Variants in ZCCHC7 observed in about 807,000 individuals in gnomAD.
ZCCHC7 encodes the protein zinc finger CCHC-type containing 7, also known as zinc finger CCHC domain-containing protein 7.
Under a neutral mutation model 52.0 loss-of-function variants are expected in ZCCHC7, and 35 were observed. The ratio of observed to expected loss-of-function variants is 0.67; its 90% confidence interval spans 0.51 to 0.89. The LOEUF (loss-of-function observed/expected upper bound fraction) is 0.89, where lower values mean the gene tolerates loss of function less well. ZCCHC7 is among the 40% of genes least tolerant of loss of function. The pLI is 0.00. For synonymous variants in ZCCHC7, 217 were observed against 221.5 expected (o/e 0.98, Z 0.18); for missense variants, 574 against 649.1 (o/e 0.88, Z 1.26).
intron 2 of ZCCHC7, among the ~76,000 whole-genome samples, chr9:37,151,116 C>G (rs1255981999): frequency 2.0e-5 from 3 of 151,970 alleles, no homozygotes; most frequent in Non-Finnish European, 4.4e-5. Flanking sequence ...AGGCGCCTGC[C>G]ACCACGCCCG....
intron 2 of ZCCHC7, among the ~76,000 whole-genome samples, chr9:37,251,216 C>A (rs1159528981): frequency 6.6e-6 from 1 of 151,780 alleles, no homozygotes; most frequent in East Asian, 1.9e-4. Context: ...TCATTTTTTT[C>A]AGCAATCTTT....
At chr9:37,138,696 TG>T (rs1843096982) in intron 2 of ZCCHC7, among the ~76,000 whole-genome samples, 1 of 151,490 alleles carries the variant, frequency 6.6e-6, no homozygotes, top group African/African-American at 2.4e-5. Context: ...TCTACAGGTT[TG>T]TATTTTTTTT....
chr9:37,190,484 T>C (rs1161902809), intron 2 of ZCCHC7, among the ~76,000 whole-genome samples: 3 of 152,324 alleles, frequency 2.0e-5, no homozygotes, highest in Admixed American at 2.0e-4. Flanking sequence ...ATCTGTTTGA[T>C]ATTAATATGA....
chr9:37,144,962 T>TA (rs1843375456), intron 2 of ZCCHC7: 1 of 152,084 alleles, frequency 6.6e-6, no homozygotes, highest in Admixed American at 6.6e-5. Context: ...GTCATGCTGT[T>TA]ATTTTAGCCC....
At chr9:37,230,842 G>A (rs1455569363) in intron 2 of ZCCHC7, among the ~76,000 whole-genome samples, 2 of 152,018 alleles carry the variant, frequency 1.3e-5, no homozygotes, top group Non-Finnish European at 2.9e-5. Flanking sequence ...ATGGTTCTAT[G>A]TGGTGGAATA....
chr9:37,170,346 C>T (rs928582850), intron 2 of ZCCHC7, among the ~76,000 whole-genome samples: 7 of 152,170 alleles, frequency 4.6e-5, no homozygotes, highest in African/African-American at 1.4e-4. Context: ...GATTGCTACA[C>T]TCAAGAGTTT....
At chr9:37,337,403 C>G (rs1588690868) in intron 6 of ZCCHC7, among the ~76,000 whole-genome samples, 2 of 13,678 alleles carry the variant, frequency 1.5e-4, no homozygotes, top group Non-Finnish European at 2.0e-4. Flanking sequence ...ACCCACCCAC[C>G]CCCCCCCCCC....
In ZCCHC7 at chr9:37,269,633, A is replaced by C. The variant is rs1006161753; in HGVS notation, c.611-32555A>C. Reference sequence around the variant, plus strand: ...GACTCTGTCTCAAAAAAAAAAAAAAAAAAAAAAAAAAAACAAAAGAAGTTC... The same window carrying C: ...GACTCTGTCTCAAAAAAAAAAAAAACAAAAAAAAAAAAACAAAAGAAGTTC... On this transcript the variant is annotated intron_variant, in intron 2 of 8. Transcript: ENST00000336755. Among the ~76,000 whole-genome samples, 319 of 149,172 alleles carry C rather than the reference A, an allele frequency of 2.1e-3. 2 individuals are homozygous for C. Among genetic ancestry groups the C allele is most frequent in the African/African-American group, 7.6e-3 (306 of 40,406 alleles).
intron 2 of ZCCHC7, among the ~76,000 whole-genome samples, chr9:37,155,476 T>A (rs2132862565): frequency 6.6e-6 from 1 of 152,372 alleles, no homozygotes; most frequent in Admixed American, 6.5e-5. Context: ...TTGACAATAA[T>A]TTTTTAATTA....
intron 2 of ZCCHC7, among the ~76,000 whole-genome samples, chr9:37,194,838 A>C (rs533618657): frequency 6.6e-6 from 1 of 152,292 alleles, no homozygotes; most frequent in African/African-American, 2.4e-5. Flanking sequence ...TATATATACA[A>C]ATTCTCTATC....
intron 2 of ZCCHC7, among the ~76,000 whole-genome samples, chr9:37,300,579 AG>A (rs1564237806): frequency 6.6e-6 from 1 of 152,224 alleles, no homozygotes; most frequent in East Asian, 1.9e-4. Flanking sequence ...TTCTTAGAAA[AG>A]TTTTTTATTT....
At chr9:37,136,751 A>G (rs528836252) in intron 2 of ZCCHC7, among the ~76,000 whole-genome samples, 7 of 152,176 alleles carry the variant, frequency 4.6e-5, no homozygotes, top group Admixed American at 3.3e-4. Context: ...GCTGGGATTT[A>G]CAGGTGTGAG....
chr9:37,200,174 CTCTT>C (rs534650626), intron 2 of ZCCHC7, among the ~76,000 whole-genome samples: 142 of 152,198 alleles, frequency 9.3e-4, no homozygotes, highest in African/African-American at 3.3e-3. Flanking sequence ...AATTTCCTCT[CTCTT>C]TGTTATCTTT....
intron 2 of ZCCHC7, among the ~76,000 whole-genome samples, chr9:37,234,094 C>T (rs1461479331): frequency 6.6e-6 from 1 of 151,994 alleles, no homozygotes; most frequent in Non-Finnish European, 1.5e-5. Flanking sequence ...GGCTTGAACT[C>T]CTGACCTCAG....
chr9:37,193,547 G>T (rs1156453412), intron 2 of ZCCHC7, among the ~76,000 whole-genome samples: 1 of 151,638 alleles, frequency 6.6e-6, no homozygotes, highest in Non-Finnish European at 1.5e-5. Flanking sequence ...CTTTTCCAAG[G>T]GATGTAAGTT....
chr9:37,129,569 GAGA>G (rs1444379447), intron 2 of ZCCHC7, among the ~76,000 whole-genome samples: 2 of 152,158 alleles, frequency 1.3e-5, no homozygotes, highest in Non-Finnish European at 2.9e-5. Flanking sequence ...AATCTTTAGA[GAGA>G]AGATTTTTCT....
chr9:37,190,015 A>G (rs1297662293), intron 2 of ZCCHC7, among the ~76,000 whole-genome samples: 3 of 152,082 alleles, frequency 2.0e-5, no homozygotes, highest in Non-Finnish European at 2.9e-5. Context: ...TGGTTGCCTA[A>G]TCCTCCCCTC....
chr9:37,186,388 A>G (rs1187540041), intron 2 of ZCCHC7, among the ~76,000 whole-genome samples: 2 of 152,134 alleles, frequency 1.3e-5, no homozygotes, highest in African/African-American at 4.8e-5. Flanking sequence ...TGAGAGATGG[A>G]TTTTCATAAA....
At chr9:37,153,219 G>A (rs1325117110) in intron 2 of ZCCHC7, among the ~76,000 whole-genome samples, 1 of 151,946 alleles carries the variant, frequency 6.6e-6, no homozygotes, top group African/African-American at 2.4e-5. Flanking sequence ...TGCCCAGGCT[G>A]GAGTGCACTG....
Sources: allele counts gnomAD v4.1 joint callset (sites outside exome capture counted in the v4.1 genomes callset), GRCh38; gene constraint gnomAD v4.1.1; transcripts MANE v1.5; gene names NCBI Gene and HGNC (gene_info 2026-07-23, HGNC 2026-07-21).